Variants in SNX2 observed in about 807,000 individuals in gnomAD.
SNX2 encodes sorting nexin 2.
SNX2 carries 25 observed loss-of-function variants against 69.9 expected under a neutral mutation model. That is an observed-to-expected ratio of 0.36 (90% CI 0.26 to 0.50). The LOEUF is 0.50. Ranked by LOEUF, SNX2 falls within the 20% of genes least tolerant of loss-of-function variation. The pLI, the probability that SNX2 is intolerant of heterozygous loss-of-function variation, is 0.97. For synonymous variants in SNX2, 229 were observed against 200.4 expected (o/e 1.14, Z -1.20); for missense variants, 551 against 613.3 (o/e 0.90, Z 1.07).
At position 122,832,840 on chromosome 5, in the gene SNX2, C is replaced by T. The variant is rs1468731577; in HGVS notation, c.*3192C>T. ...TTCTTGTCATGGCTCCCTGCATGGG[C>T]AGTCATGTTAACAAGAGTCAGGGAG... On this transcript the variant is annotated 3_prime_UTR_variant, in exon 15 of 15. Transcript: ENST00000379516. 6.6e-6 allele frequency: 1 copy of T among 152,170 alleles called. No individual in the cohort carries two copies. Among genetic ancestry groups the T allele is most frequent in the Non-Finnish European group, 1.5e-5 (1 of 68,024 alleles). 9.4% of individuals were successfully genotyped at this position (152,170 alleles called of 1,614,324 possible). A position where few individuals can be genotyped will look rare whatever the true frequency, so the allele number is the denominator to read the frequency against.
At chr5:122,823,506 A>G (rs1026331658) in intron 11 of SNX2, among the ~76,000 whole-genome samples, 1 of 152,216 alleles carries the variant, frequency 6.6e-6, no homozygotes, top group Non-Finnish European at 1.5e-5. Flanking sequence ...ATCAATGGAA[A>G]AGCCGGTTGA....
intron 2 of SNX2, among the ~76,000 whole-genome samples, chr5:122,797,572 A>G (rs1753411617): frequency 6.6e-6 from 1 of 152,170 alleles, no homozygotes; most frequent in South Asian, 2.1e-4. Flanking sequence ...GGTTCTAGGA[A>G]ACTATAATAG....
At chr5:122,782,185 A>G (rs1001711065) in intron 1 of SNX2, among the ~76,000 whole-genome samples, 8 of 152,224 alleles carry the variant, frequency 5.3e-5, no homozygotes, top group African/African-American at 1.7e-4. Flanking sequence ...TGTACATACC[A>G]TCTGAATATT....
intron 1 of SNX2, among the ~76,000 whole-genome samples, chr5:122,782,997 C>T (rs991602386): frequency 6.6e-6 from 1 of 151,226 alleles, no homozygotes. Flanking sequence ...AGTGCAGTGG[C>T]GTGATCTCGG....
At position 122,779,400 on chromosome 5, in the gene SNX2, A is replaced by G. The variant is rs370353670; in HGVS notation, c.108+4189A>G. On this transcript the variant is annotated intron_variant, in intron 1 of 14. Transcript: ENST00000379516. ...TAGATTTCCCTATTCTAGACTTTAT[A>G]TGAATGGATCGTATAATACATGGTC... Among the ~76,000 whole-genome samples, 24 of 152,304 alleles carry G rather than the reference A, an allele frequency of 1.6e-4. 3 individuals carry two copies. The highest frequency in any genetic ancestry group is 3.9e-4 in the East Asian group (2 of 5,180).
intron 11 of SNX2, among the ~76,000 whole-genome samples, chr5:122,822,932 T>C (rs1754057356): frequency 6.6e-6 from 1 of 152,240 alleles, no homozygotes. Flanking sequence ...TCTTTGGCTA[T>C]AAATACTCAG....
chr5:122,805,764 G>A (rs6899195), intron 6 of SNX2, among the ~76,000 whole-genome samples: 60,316 of 151,620 alleles, frequency 0.4, 12,559 homozygotes, highest in African/African-American at 0.49. Flanking sequence ...CATTTAATGT[G>A]GATTAAATTG....
chr5:122,775,004 C>CG, upstream of SNX2: 2 of 1,190,308 alleles, frequency 1.7e-6, no homozygotes, highest in Non-Finnish European at 2.2e-6. Flanking sequence ...AGAGGCCGGC[C>CG]GGGGGCGGGG....
At chr5:122,828,321 A>C (rs1463911822) in intron 14 of SNX2, among the ~76,000 whole-genome samples, 1 of 152,164 alleles carries the variant, frequency 6.6e-6, no homozygotes, top group Admixed American at 6.5e-5. Context: ...TGATGTCTTC[A>C]AATTGTGTTT....
In SNX2 at chr5:122,793,685, G is replaced by A. The variant is rs191067105; in HGVS notation, c.109-1581G>A. Among the ~76,000 whole-genome samples the A allele has an allele frequency of 8.3e-3, 1,263 of 152,152 alleles. 17 individuals are homozygous for A. Among genetic ancestry groups the A allele is most frequent in the African/African-American group, 0.029 (1,194 of 41,516 alleles). On this transcript the variant is annotated intron_variant, in intron 1 of 14. Transcript: ENST00000379516. ...AGCACTTTGGGAGGCCAAGGCGGGC[G>A]GATCACCTGAGGTCAGGAGTTCGAG...
intron 1 of SNX2, among the ~76,000 whole-genome samples, chr5:122,782,932 T>G (rs1753008963): frequency 6.6e-6 from 1 of 151,956 alleles, no homozygotes; most frequent in Non-Finnish European, 1.5e-5. Flanking sequence ...TTTTGTTTCT[T>G]TGTTTTTGTT....
chr5:122,817,793 G>A (rs1054387382), intron 10 of SNX2, among the ~76,000 whole-genome samples: 1 of 151,976 alleles, frequency 6.6e-6, no homozygotes, highest in East Asian at 1.9e-4. Flanking sequence ...AAATTTTTTG[G>A]AAAGTATTTG....
chr5:122,776,421 A>G lies in SNX2; in HGVS notation c.108+1210A>G, dbSNP rs1263743116. ...TCTTTGTGTCTCTCACAAAATCTTGAACATGTGTATTTATTAGGTTGGTGC... is the reference window on the plus strand; with the variant it reads ...TCTTTGTGTCTCTCACAAAATCTTGGACATGTGTATTTATTAGGTTGGTGC... On this transcript the variant is annotated intron_variant, in intron 1 of 14. Transcript: ENST00000379516. Among the ~76,000 whole-genome samples, 4 of 152,194 alleles carry G rather than the reference A, an allele frequency of 2.6e-5. No individual in the cohort carries two copies. In the East Asian group the frequency reaches 7.8e-4, roughly 29 times the overall value.
At chr5:122,829,548 A>T (rs1345969848) in intron 14 of SNX2, 50 bp from the exon 15 acceptor site, 1 of 1,477,652 alleles carries the variant, frequency 6.8e-7, no homozygotes, top group Admixed American at 1.7e-5. Flanking sequence ...TATGCATATA[A>T]ATGACAAAAA....
chr5:122,826,440 T>G (rs576387416), intron 12 of SNX2, among the ~76,000 whole-genome samples: 1 of 152,134 alleles, frequency 6.6e-6, no homozygotes, highest in African/African-American at 2.4e-5. Flanking sequence ...ACATTAATAA[T>G]TACACATTTT....
chr5:122,802,005 A>G, intron 4 of SNX2, 70 bp downstream of exon 4: 2 of 1,513,250 alleles, frequency 1.3e-6, no homozygotes, highest in Non-Finnish European at 1.8e-6. Flanking sequence ...GTTTTTCTTC[A>G]TACATCAATA....
intron 7 of SNX2, among the ~76,000 whole-genome samples, chr5:122,810,551 T>C (rs1434235377): frequency 6.6e-6 from 1 of 152,194 alleles, no homozygotes; most frequent in Non-Finnish European, 1.5e-5. Context: ...GATGGCATGC[T>C]TGATAAGGAA....
intron 2 of SNX2, chr5:122,795,589 C>G (rs1399354756): frequency 2.3e-6 from 1 of 441,114 alleles, no homozygotes; most frequent in African/African-American, 2.0e-5. Context: ...TTCTTTCTGG[C>G]TGTAAGCATT....
chr5:122,801,911 G>A lies in SNX2; in HGVS notation c.433G>A (p.Gly145Ser). ...ANGDIFDIEI[G>S]VSDPEKVGDG... Reference sequence around the variant, plus strand: ...TGGAGACATTTTTGACATAGAAATTGGTGTATCAGATCCAGAAAAAGTTGG... The same window carrying A: ...TGGAGACATTTTTGACATAGAAATTAGTGTATCAGATCCAGAAAAAGTTGG... The change falls in exon 4 of 15, where the codon GGT (glycine) becomes AGT (serine). Residue 145 changes from glycine (G) to serine (S), a missense_variant. Gly to Ser is a moderately conservative substitution (Grantham distance 56). This residue lies in a region of SNX2 where 360 missense variants were observed against 450.4 expected (regional missense o/e 0.80). Coordinates refer to ENST00000379516, the MANE Select transcript of SNX2 (RefSeq NM_003100.4). 1 of 1,602,502 alleles carries A rather than the reference G, an allele frequency of 6.2e-7. No individual in the cohort carries two copies. Among genetic ancestry groups the A allele is most frequent in the Non-Finnish European group, 8.5e-7 (1 of 1,171,630 alleles).
Sources: allele counts gnomAD v4.1 joint callset (sites outside exome capture counted in the v4.1 genomes callset), GRCh38; gene constraint gnomAD v4.1.1; regional missense constraint gnomAD v4.1.1; transcripts MANE v1.5; gene names NCBI Gene and HGNC (gene_info 2026-07-23, HGNC 2026-07-21).